Variants in MTUS2 observed in about 807,000 individuals in gnomAD.
MTUS2 encodes the protein microtubule associated scaffold protein 2.
A neutral mutation model predicts 114.1 loss-of-function variants in MTUS2; 40 were observed. That is an observed-to-expected ratio of 0.35 (90% confidence interval 0.27 to 0.46). The LOEUF is 0.46. Ranked by LOEUF, MTUS2 falls within the 20% of genes least tolerant of loss-of-function variation. MTUS2 has a pLI of 1.00. For synonymous variants in MTUS2, 688 were observed against 672.0 expected, an observed-to-expected ratio of 1.02 and a Z score of -0.37; for missense variants, 1,679 against 1,705.4, an observed-to-expected ratio of 0.98 and a Z score of 0.27.
chr13:28,962,704 G>T (rs909806265), intron 2 of MTUS2, among the ~76,000 whole-genome samples: 3 of 152,000 alleles, frequency 2.0e-5, no homozygotes, highest in African/African-American at 7.3e-5. Context: ...TTATTATTTT[G>T]TGGGCTTAGT....
chr13:28,884,747 G>A (rs959401286), intron 2 of MTUS2, among the ~76,000 whole-genome samples: 12 of 152,262 alleles, frequency 7.9e-5, no homozygotes, highest in African/African-American at 2.4e-4. Flanking sequence ...GAGAAGCTGG[G>A]CGAAATGTAC....
intron 2 of MTUS2, among the ~76,000 whole-genome samples, chr13:28,856,817 T>G (rs1876659555): frequency 6.6e-6 from 1 of 152,240 alleles, no homozygotes; most frequent in South Asian, 2.1e-4. Flanking sequence ...CTATTTCGCA[T>G]CTTTGTTTGC....
intron 5 of MTUS2, among the ~76,000 whole-genome samples, chr13:29,257,537 G>A (rs1355470606): frequency 2.0e-5 from 3 of 152,216 alleles, no homozygotes; most frequent in African/African-American, 7.2e-5. Context: ...AGTGTTGTTG[G>A]AACTTAACGT....
chr13:29,025,465 C>A lies in MTUS2; in HGVS notation c.767C>A (p.Pro256His), dbSNP rs1187672035. ...ACCTCAGAAAGCAAGCAGAGCACTCCCTCAGAGACCCAAACAGTGGGGGCA... is the reference window on the plus strand; with the variant it reads ...ACCTCAGAAAGCAAGCAGAGCACTCACTCAGAGACCCAAACAGTGGGGGCA... Reference protein sequence around the residue: ...PSTSESKQSTPSETQTVGAHV... With the variant: ...PSTSESKQSTHSETQTVGAHV... The change falls in exon 3 of 16, where the codon CCC becomes CAC. Residue 256 changes from proline to histidine, a missense_variant. Physicochemically the swap from Pro to His is moderately conservative, Grantham distance 77. Around this residue, in one of 3 missense-constraint regions of MTUS2, gnomAD observed 843 missense variants for 770.8 expected, o/e 1.09. Coordinates refer to ENST00000612955, the MANE Select transcript of MTUS2 (RefSeq NM_001033602.4). The A allele has an allele frequency of 6.2e-7, 1 of 1,613,300 alleles. No individual in the cohort carries two copies. The highest frequency in any genetic ancestry group is 2.2e-5 in the East Asian group (1 of 44,838).
rs56095961 is a variant in MTUS2 at position 29,244,955 on chromosome 13, C to CAAAAAAAAAAA, written c.2645-36733_2645-36723dup. On this transcript the variant is annotated intron_variant, in intron 5 of 15. Coordinates refer to ENST00000612955, the MANE Select transcript of MTUS2 (RefSeq NM_001033602.4). ...TGGGCGACAGAGCGAGACTCCGTCT[C>CAAAAAAAAAAA]AAAAAAAAAAAAAAAAAAAAAAAAA... Among the ~76,000 whole-genome samples the CAAAAAAAAAAA allele has an allele frequency of 4.8e-3, 292 of 60,482 alleles. 7 individuals carry two copies. Among genetic ancestry groups the CAAAAAAAAAAA allele is most frequent in the African/African-American group, 8.9e-3 (117 of 13,160 alleles). 39.7% of individuals were successfully genotyped at this position (60,482 alleles called of 152,430 possible). A position where few individuals can be genotyped will look rare whatever the true frequency, so the allele number is the denominator to read the frequency against.
At chr13:28,929,860 T>G (rs73161864) in intron 2 of MTUS2, among the ~76,000 whole-genome samples, 12,762 of 152,148 alleles carry the variant, frequency 0.084, 604 homozygotes, top group South Asian at 0.13. Context: ...TAGTATATGA[T>G]CATTTTTGAG....
chr13:29,368,836 A>G (rs1870959048), intron 8 of MTUS2, among the ~76,000 whole-genome samples: 1 of 152,182 alleles, frequency 6.6e-6, no homozygotes, highest in Admixed American at 6.5e-5. Flanking sequence ...ACATACAGTG[A>G]TGTGAAAGGG....
intron 2 of MTUS2, among the ~76,000 whole-genome samples, chr13:28,864,712 G>C (rs1176607765): frequency 6.6e-6 from 1 of 152,112 alleles, no homozygotes; most frequent in East Asian, 1.9e-4. Context: ...TAAAATGCTA[G>C]GTCATTACTT....
chr13:29,485,385 T>G (rs1881531804), intron 10 of MTUS2: 1 of 152,634 alleles, frequency 6.6e-6, no homozygotes, highest in Non-Finnish European at 1.5e-5. Flanking sequence ...TGGCCAACAG[T>G]AGACAGCTCC....
chr13:28,943,740 A>C (rs991601577), intron 2 of MTUS2, among the ~76,000 whole-genome samples: 1 of 152,170 alleles, frequency 6.6e-6, no homozygotes, highest in East Asian at 1.9e-4. Context: ...GATTGTAAGC[A>C]GTTCAATATG....
intron 2 of MTUS2, among the ~76,000 whole-genome samples, chr13:29,022,934 G>C (rs1019963944): frequency 6.6e-6 from 1 of 152,124 alleles, no homozygotes; most frequent in African/African-American, 2.4e-5. Context: ...TACATAATAC[G>C]TGCCTAATAT....
At chr13:29,180,419 A>G (rs912499626) in intron 5 of MTUS2, among the ~76,000 whole-genome samples, 2 of 152,260 alleles carry the variant, frequency 1.3e-5, no homozygotes, top group Non-Finnish European at 2.9e-5. Flanking sequence ...TAGGGCAAAG[A>G]TAGAAGCAAA....
At chr13:29,423,770 G>A (rs1238048492) in intron 8 of MTUS2, among the ~76,000 whole-genome samples, 1 of 152,066 alleles carries the variant, frequency 6.6e-6, no homozygotes, top group East Asian at 1.9e-4. Flanking sequence ...TATATTGCAG[G>A]AAATTAAAAT....
intron 6 of MTUS2, among the ~76,000 whole-genome samples, chr13:29,290,447 A>G (rs1312746815): frequency 6.6e-6 from 1 of 152,156 alleles, no homozygotes; most frequent in African/African-American, 2.4e-5. Flanking sequence ...CTCCTGCCTC[A>G]GCCTCCTGAG....
At chr13:28,904,805 C>A (rs928611359) in intron 2 of MTUS2, among the ~76,000 whole-genome samples, 8 of 152,068 alleles carry the variant, frequency 5.3e-5, no homozygotes, top group African/African-American at 1.7e-4. Flanking sequence ...TCATTGGTAG[C>A]TTGATGGGGA....
At chr13:29,231,564 G>T (rs1480554278) in intron 5 of MTUS2, among the ~76,000 whole-genome samples, 1 of 152,146 alleles carries the variant, frequency 6.6e-6, no homozygotes, top group East Asian at 1.9e-4. Flanking sequence ...ATTTACAAAA[G>T]GTTATTTCTG....
chr13:29,337,304 G>C (rs1417068436), intron 7 of MTUS2, among the ~76,000 whole-genome samples: 2 of 152,224 alleles, frequency 1.3e-5, no homozygotes, highest in African/African-American at 4.8e-5. Context: ...CTCCTGGTCT[G>C]TGGGTTGTGA....
intron 5 of MTUS2, among the ~76,000 whole-genome samples, chr13:29,200,521 G>GGTTTTTTTTTTTTTTTTTTTTTTT (rs1309388936): frequency 1.2e-5 from 1 of 85,432 alleles, no homozygotes; most frequent in Admixed American, 1.6e-4. Flanking sequence ...TTCTTTTTCT[G>GGTTTTTTTTTTTTTTTTTTTTTTT]TTTTTTTTTT....
At chr13:29,083,286 A>G (rs1889527642) in intron 4 of MTUS2, among the ~76,000 whole-genome samples, 1 of 152,168 alleles carries the variant, frequency 6.6e-6, no homozygotes, top group African/African-American at 2.4e-5. Flanking sequence ...CGAATGTCGA[A>G]TGAATGCCTT....
Sources: allele counts gnomAD v4.1 joint callset (sites outside exome capture counted in the v4.1 genomes callset), GRCh38; gene constraint gnomAD v4.1.1; regional missense constraint gnomAD v4.1.1; transcripts MANE v1.5; gene names NCBI Gene and HGNC (gene_info 2026-07-23, HGNC 2026-07-21).